The following PAXBP1 variants were observed in gnomAD, a reference collection of about 807,000 sequenced individuals.
PAXBP1 encodes PAX3- and PAX7-binding protein 1.
In PAXBP1, 44 loss-of-function variants were observed where a neutral mutation model predicts 119.9. The ratio of observed to expected loss-of-function variants is 0.37; its 90% confidence interval spans 0.29 to 0.47. The LOEUF (loss-of-function observed/expected upper bound fraction) is 0.47, where lower values mean the gene tolerates loss of function less well. PAXBP1 is among the 20% of genes least tolerant of loss of function. The pLI is 0.99. For synonymous variants in PAXBP1, 393 were observed against 406.6 expected, an observed-to-expected ratio of 0.97 and a Z score of 0.40; for missense variants, 898 against 1,134.1, an observed-to-expected ratio of 0.79 and a Z score of 2.99.
intron 3 of PAXBP1, among the ~76,000 whole-genome samples, chr21:32,762,845 A>C (rs999216393): frequency 6.8e-6 from 1 of 147,818 alleles, no homozygotes; most frequent in African/African-American, 2.5e-5. Context: ...CAGGAGGCAG[A>C]GGTTGCAGTG....
chr21:32,751,259 A>T, intron 8 of PAXBP1, 41 bp from the exon 9 acceptor site: 2 of 1,578,400 alleles, frequency 1.3e-6, no homozygotes, highest in Non-Finnish European at 1.7e-6. Flanking sequence ...CCATCTTTCA[A>T]CAATCTTGAG....
Position 32,759,042 on chromosome 21 carries a change from T to A in PAXBP1, c.1383+38A>T, listed in dbSNP as rs761613075. Reference sequence around the variant, plus strand: ...AAGGCCATCTAGACCTCCCTAATTTTGCCTTATTCAAAGAGATTAGTATTT... The same window carrying A: ...AAGGCCATCTAGACCTCCCTAATTTAGCCTTATTCAAAGAGATTAGTATTT... On this transcript the variant is annotated intron_variant, in intron 7 of 17. Coordinates refer to ENST00000331923, the MANE Select transcript of PAXBP1 (RefSeq NM_016631.4). 7 of 1,596,976 alleles carry A rather than the reference T, an allele frequency of 4.4e-6. No individual in the cohort carries two copies. In the Admixed American group the frequency reaches 1.0e-4, roughly 23 times the overall value.
chr21:32,763,831 C>T (rs1239958371), intron 3 of PAXBP1, among the ~76,000 whole-genome samples: 1 of 151,984 alleles, frequency 6.6e-6, no homozygotes, highest in East Asian at 1.9e-4. Flanking sequence ...ACTAAAAATA[C>T]AAAAATCAGC....
chr21:32,760,655 G>C (rs1269399648), intron 5 of PAXBP1, among the ~76,000 whole-genome samples: 1 of 152,000 alleles, frequency 6.6e-6, no homozygotes, highest in African/African-American at 2.4e-5. Flanking sequence ...GAATCACCTG[G>C]AGGGCTTGTT....
At chr21:32,764,273 C>T (rs187940759) in intron 3 of PAXBP1, 75 bp downstream of exon 3, 1 of 1,424,266 alleles carries the variant, frequency 7.0e-7, no homozygotes, top group East Asian at 2.4e-5. Context: ...CTAATTCCTT[C>T]TTAATAATCA....
chr21:32,755,677 C>T (rs950219583), intron 7 of PAXBP1: 6 of 181,984 alleles, frequency 3.3e-5, no homozygotes, highest in Non-Finnish European at 5.7e-5. Flanking sequence ...TATTTAAGTA[C>T]TTAGAAGTCT....
intron 15 of PAXBP1, among the ~76,000 whole-genome samples, chr21:32,741,009 T>C (rs1037709394): frequency 2.6e-5 from 4 of 152,020 alleles, no homozygotes; most frequent in Admixed American, 6.5e-5. Context: ...GAAATGCAAA[T>C]GAAAACCACA....
intron 1 of PAXBP1, 68 bp downstream of exon 1, chr21:32,771,258 G>A (rs985016110): frequency 5.0e-6 from 7 of 1,407,614 alleles, no homozygotes; most frequent in Non-Finnish European, 6.6e-6. Flanking sequence ...CAGAGAATAC[G>A]GGGGCGGGGG....
rs538448396 is a variant in PAXBP1, at chr21:32,771,307, T to C, written c.343+19A>G. The C allele has an allele frequency of 2.2e-5, 34 of 1,567,298 alleles. No individual in the cohort carries two copies. Among genetic ancestry groups the C allele is most frequent in the Non-Finnish European group, 2.8e-5 (33 of 1,164,730 alleles). On this transcript the variant is annotated intron_variant, in intron 1 of 17. Transcript: ENST00000331923. ...TCGGGGATGCGGCCGTCTAAGGGCG[T>C]CCGAAGCGCGCACTTTACCTTCCTC...
At chr21:32,757,370 G>A (rs563869376) in intron 7 of PAXBP1, among the ~76,000 whole-genome samples, 1 of 152,128 alleles carries the variant, frequency 6.6e-6, no homozygotes, top group South Asian at 2.1e-4. Context: ...GAAAATGTTA[G>A]AATGAAATAT....
intron 15 of PAXBP1, among the ~76,000 whole-genome samples, chr21:32,741,845 C>A (rs1430268145): frequency 6.6e-6 from 1 of 152,166 alleles, no homozygotes; most frequent in Non-Finnish European, 1.5e-5. Flanking sequence ...AGAAAAAGTT[C>A]TTCTAAGGCT....
chr21:32,756,657 G>T, intron 7 of PAXBP1: 2 of 248,848 alleles, frequency 8.0e-6, no homozygotes, highest in South Asian at 4.0e-5. Flanking sequence ...ACTTCCCCAT[G>T]CCCTCATTTT....
Position 32,743,321 on chromosome 21 carries a change from A to T in PAXBP1, c.2268-7T>A. The T allele has an allele frequency of 6.6e-7, 1 of 1,523,170 alleles. No individual in the cohort carries two copies. Among genetic ancestry groups the T allele is most frequent in the Non-Finnish European group, 8.8e-7 (1 of 1,132,378 alleles). 94.4% of individuals were successfully genotyped at this position (1,523,170 alleles called of 1,614,324 possible). A position where few individuals can be genotyped will look rare whatever the true frequency, so the allele number is the denominator to read the frequency against. On this transcript the variant is annotated splice_region_variant and splice_polypyrimidine_tract_variant and intron_variant, in intron 14 of 17. Transcript: ENST00000331923. The stretch of plus-strand genomic sequence containing the variant: ...ATTTTTATTTTCTAAGACACTAAGT[A>T]AAAAAAAGAGAAACATATCATGATC...
In PAXBP1 at chr21:32,751,409, G is replaced by A. The variant is rs2146490531; in HGVS notation, c.1508-191C>T. 6.1e-6 allele frequency: 3 copies of A among 495,090 alleles called. No homozygotes were observed. In the East Asian group the frequency reaches 9.8e-5, roughly 16 times the overall value. 30.7% of individuals were successfully genotyped at this position (495,090 alleles called of 1,614,324 possible). A position where few individuals can be genotyped will look rare whatever the true frequency, so the allele number is the denominator to read the frequency against. On this transcript the variant is annotated intron_variant, in intron 8 of 17. Transcript: ENST00000331923. The stretch of plus-strand genomic sequence containing the variant: ...TTATTCTGCGTTCCCATTTTAAAAA[G>A]TAGAAAAATTAAAGAAGTGATTTCT...
chr21:32,738,957 TTG>T (rs1287525726), intron 15 of PAXBP1, among the ~76,000 whole-genome samples: 7 of 152,150 alleles, frequency 4.6e-5, no homozygotes, highest in South Asian at 2.1e-4. Flanking sequence ...CTCTCTCAAG[TTG>T]TGTGTCTCCA....
chr21:32,745,271 C>T (rs894850735), intron 12 of PAXBP1, among the ~76,000 whole-genome samples: 1 of 152,132 alleles, frequency 6.6e-6, no homozygotes, highest in African/African-American at 2.4e-5. Context: ...ATTTTAATTG[C>T]TCCCCACATA....
At chr21:32,758,400 GA>G (rs1303144647) in intron 7 of PAXBP1, among the ~76,000 whole-genome samples, 3 of 148,374 alleles carry the variant, frequency 2.0e-5, no homozygotes, top group Non-Finnish European at 3.0e-5. Flanking sequence ...TTATCTTAAA[GA>G]AAAAAAATCA....
rs1185327858 is a variant in PAXBP1, at chr21:32,762,577, C to CCCA, written c.650-263_650-261dup. On this transcript the variant is annotated intron_variant, in intron 3 of 17. Coordinates refer to ENST00000331923, the MANE Select transcript of PAXBP1 (RefSeq NM_016631.4). Reference sequence around the variant, plus strand: ...AGTGGGACGGGGTAAAAAGGAAAAACCCACCAAAGCAGTTTTATTTTAGCT... The same window carrying CCCA: ...AGTGGGACGGGGTAAAAAGGAAAAACCCACCACCAAAGCAGTTTTATTTTAGCT... 3.3e-5 allele frequency among the ~76,000 whole-genome samples: 5 copies of CCCA among 151,320 alleles called. No individual in the cohort carries two copies. The South Asian group carries it at 8.4e-4, about 25-fold the overall frequency.
chr21:32,754,352 G>A (rs2044008976), intron 8 of PAXBP1, among the ~76,000 whole-genome samples: 1 of 152,222 alleles, frequency 6.6e-6, no homozygotes, highest in Non-Finnish European at 1.5e-5. Flanking sequence ...TGTTAAACGA[G>A]TATCAGGTAA....
Sources: gnomAD v4.1 joint callset for allele counts (sites outside exome capture counted in the v4.1 genomes callset) on GRCh38, gnomAD v4.1.1 for gene constraint, MANE v1.5 for transcripts, NCBI Gene and HGNC (gene_info 2026-07-23, HGNC 2026-07-21) for gene names.